Variants in ANKRD17 observed in about 807,000 individuals in gnomAD.
ANKRD17 encodes the protein ankyrin repeat domain 17, also known as ankyrin repeat domain-containing protein 17.
In ANKRD17, 19 loss-of-function variants were observed where a neutral mutation model predicts 229.7. The observed-to-expected ratio is 0.08, with a 90% confidence interval of 0.06 to 0.12. The LOEUF is 0.12. Ranked by LOEUF, ANKRD17 falls within the 10% of genes least tolerant of loss-of-function variation. ANKRD17 has a pLI of 1.00. For missense variants in ANKRD17, 2,176 were observed against 3,176.8 expected, an observed-to-expected ratio of 0.68 and a Z score of 7.57; for synonymous variants, 1,112 against 1,146.1, an observed-to-expected ratio of 0.97 and a Z score of 0.60.
At chr4:73,086,919 A>AATATAT (rs61024099) in intron 29 of ANKRD17, among the ~76,000 whole-genome samples, 1,136 of 12,430 alleles carry the variant, frequency 0.091, 208 homozygotes, top group Non-Finnish European at 0.16. Flanking sequence ...AAAAAAAAAA[A>AATATAT]ATATATATAT....
At chr4:73,185,537 A>G (rs1232745229) in intron 1 of ANKRD17, among the ~76,000 whole-genome samples, 1 of 152,078 alleles carries the variant, frequency 6.6e-6, no homozygotes, top group Non-Finnish European at 1.5e-5. Context: ...AATCCAGTCA[A>G]TGCAGAAAAA....
chr4:73,102,264 A>G (rs1724105292), intron 25 of ANKRD17, 112 bp downstream of exon 25: 2 of 1,150,094 alleles, frequency 1.7e-6, no homozygotes, highest in Non-Finnish European at 2.4e-6. Flanking sequence ...TGCCTGGCCT[A>G]TGTTAAGGGG....
Position 73,258,345 on chromosome 4 carries a change from G to A in ANKRD17, c.324C>T (p.Gly108=). 10 of 1,612,332 alleles carry A rather than the reference G, an allele frequency of 6.2e-6. No homozygotes were observed. Among genetic ancestry groups the A allele is most frequent in the Non-Finnish European group, 8.5e-6 (10 of 1,179,510 alleles). ...GGGGGGGGGG[G]GGTSSNNSEE... ...CGCTGTTGTTACTGCTGGTGCCGCC[G>A]CCGCCACCTCCGCCTCCACCGCCGC... Residue 108 remains glycine, a synonymous_variant, in exon 1 of 34, where the codon GGC becomes GGT. Transcript: ENST00000358602.
intron 1 of ANKRD17, among the ~76,000 whole-genome samples, chr4:73,179,501 TATATATATATA>T (rs1204984839): frequency 6.4e-5 from 5 of 78,272 alleles, no homozygotes; most frequent in African/African-American, 1.9e-4. Context: ...TATATATATA[TATATATATATA>T]TATATATTTT....
At position 73,139,617 on chromosome 4, in the gene ANKRD17, T is replaced by C; in HGVS notation, c.2999A>G (p.Gln1000Arg). 6.2e-7 allele frequency: 1 copy of C among 1,614,166 alleles called. No individual in the cohort carries two copies. Among genetic ancestry groups the C allele is most frequent in the Non-Finnish European group, 8.5e-7 (1 of 1,180,012 alleles). The change falls in exon 15 of 34, where the codon CAA (glutamine) becomes CGA (arginine). Residue 1000 changes from glutamine (Q) to arginine (R), a missense_variant. Around this residue, in one of 18 missense-constraint regions of ANKRD17, gnomAD observed 230 missense variants for 252.3 expected, o/e 0.91. Transcript: ENST00000358602. ...TTGTTGTGTTTCTGTCAGAATTCCT[T>C]GCCCCAGCCCTGCCAACTGTGCTTG... Reference protein sequence around the residue: ...LGQAQLAGLGQGILTETQQGL... With the variant: ...LGQAQLAGLGRGILTETQQGL...
Position 73,118,865 on chromosome 4 carries a change from C to T in ANKRD17, c.4026-15G>A, listed in dbSNP as rs746399257. ...TATGAGCTCCCCTAAAAACCAATGA[C>T]ACAGATAGCATTGTCTTTTTTTTTT... On this transcript the variant is annotated splice_polypyrimidine_tract_variant and intron_variant, in intron 21 of 33. Transcript: ENST00000358602. The T allele has an allele frequency of 4.0e-6, 6 of 1,502,210 alleles. No homozygotes were observed. The highest frequency in any genetic ancestry group is 5.5e-6 in the Non-Finnish European group (6 of 1,095,134). The allele number at this position is 1,502,210 out of a possible 1,614,324, so 93.1% of individuals were successfully genotyped here. A position where few individuals can be genotyped will look rare whatever the true frequency, so the allele number is the denominator to read the frequency against.
intron 12 of ANKRD17, 43 bp from the exon 13 acceptor site, chr4:73,142,428 TAA>T: frequency 6.3e-7 from 1 of 1,581,048 alleles, no homozygotes; most frequent in Non-Finnish European, 8.5e-7. Context: ...TGAAGAAAAA[TAA>T]GTTAGTTTAC....
intron 1 of ANKRD17, among the ~76,000 whole-genome samples, chr4:73,257,708 C>T (rs966145914): frequency 6.6e-6 from 1 of 152,166 alleles, no homozygotes. Flanking sequence ...AGGATAGTTA[C>T]GAAAAACCCT....
intron 1 of ANKRD17, among the ~76,000 whole-genome samples, chr4:73,187,441 G>A (rs1437172968): frequency 2.6e-5 from 4 of 152,124 alleles, no homozygotes; most frequent in Non-Finnish European, 1.5e-5. Flanking sequence ...GGGGTCTGTT[G>A]GCAGGGAACA....
chr4:73,103,887 A>C (rs1258135126), intron 24 of ANKRD17: 1 of 150,796 alleles, frequency 6.6e-6, no homozygotes, highest in Non-Finnish European at 1.5e-5. Flanking sequence ...CTTTAGTGAC[A>C]CTAACGTTAA....
intron 1 of ANKRD17, among the ~76,000 whole-genome samples, chr4:73,233,310 A>G (rs1743230832): frequency 6.6e-6 from 1 of 152,066 alleles, no homozygotes; most frequent in Non-Finnish European, 1.5e-5. Context: ...CATCTCCTAA[A>G]TTTATAGATA....
intron 3 of ANKRD17, 76 bp downstream of exon 3, chr4:73,161,116 G>A (rs1732472501): frequency 6.5e-7 from 1 of 1,529,772 alleles, no homozygotes; most frequent in Non-Finnish European, 8.9e-7. Flanking sequence ...CAAAATAAAT[G>A]CTCAGTAAAT....
intron 2 of ANKRD17, among the ~76,000 whole-genome samples, chr4:73,164,812 C>T (rs957028099): frequency 1.3e-5 from 2 of 149,734 alleles, no homozygotes; most frequent in African/African-American, 4.9e-5. Flanking sequence ...AAAAAAAGAA[C>T]AAAATGACCA....
At chr4:73,258,186 G>C in intron 1 of ANKRD17, 90 bp downstream of exon 1, 1 of 1,583,868 alleles carries the variant, frequency 6.3e-7, no homozygotes, top group Non-Finnish European at 8.6e-7. Context: ...CAACCCACTG[G>C]AATCTGTCCC....
intron 1 of ANKRD17, among the ~76,000 whole-genome samples, chr4:73,217,251 T>C (rs946584084): frequency 6.6e-6 from 1 of 152,330 alleles, no homozygotes. Context: ...CTTCTAGTTA[T>C]ACTACCTTTC....
chr4:73,094,738 T>TA (rs1697077169), intron 27 of ANKRD17, among the ~76,000 whole-genome samples: 1 of 142,762 alleles, frequency 7.0e-6, no homozygotes, highest in African/African-American at 2.6e-5. Context: ...ATATATATAT[T>TA]ATATGTGTGT....
Position 73,154,921 on chromosome 4 carries a change from G to A in ANKRD17, c.1000+710C>T, listed in dbSNP as rs1201066684. 2.0e-5 allele frequency among the ~76,000 whole-genome samples: 3 copies of A among 151,614 alleles called. No homozygotes were observed. The South Asian group carries it at 6.2e-4, about 32-fold the overall frequency. ...CCGGGCATAGTGGCAGGCGCCTGTAGTCCCAGCTACTTGGGAGGCTGAGGC... is the reference window on the plus strand; with the variant it reads ...CCGGGCATAGTGGCAGGCGCCTGTAATCCCAGCTACTTGGGAGGCTGAGGC... On this transcript the variant is annotated intron_variant, in intron 5 of 33. Transcript: ENST00000358602.
At chr4:73,197,830 C>T (rs567146779) in intron 1 of ANKRD17, among the ~76,000 whole-genome samples, 19 of 151,952 alleles carry the variant, frequency 1.3e-4, no homozygotes, top group African/African-American at 3.4e-4. Flanking sequence ...AAAACAAAAA[C>T]GAAAACGTAC....
intron 24 of ANKRD17, 151 bp from the exon 25 acceptor site, chr4:73,102,698 A>G (rs1338377502): frequency 6.1e-6 from 5 of 819,244 alleles, no homozygotes; most frequent in Non-Finnish European, 9.4e-6. Flanking sequence ...TCATATTCAA[A>G]CCACTCTAAA....
Sources: allele counts gnomAD v4.1 joint callset (sites outside exome capture counted in the v4.1 genomes callset), GRCh38; gene constraint gnomAD v4.1.1; regional missense constraint gnomAD v4.1.1; transcripts MANE v1.5; gene names NCBI Gene and HGNC (gene_info 2026-07-23, HGNC 2026-07-21).